SIPA1L2: variants seen among roughly 807,000 people sequenced by gnomAD.
SIPA1L2 encodes signal induced proliferation associated 1 like 2, also known as signal-induced proliferation-associated 1-like protein 2.
Under a neutral mutation model 163.9 loss-of-function variants are expected in SIPA1L2, and 56 were observed. The observed-to-expected ratio is 0.34, with a 90% CI of 0.28 to 0.43. SIPA1L2 has a LOEUF of 0.43. Among genes scored for constraint, SIPA1L2 ranks in the 20% least tolerant of loss-of-function variants. The pLI is 1.00. For synonymous variants in SIPA1L2, 877 were observed against 865.7 expected, an observed-to-expected ratio of 1.01 and a Z score of -0.23; for missense variants, 1,974 against 2,193.5, an observed-to-expected ratio of 0.90 and a Z score of 2.00.
chr1:232,467,724 G>A (rs772741628), intron 8 of SIPA1L2, among the ~76,000 whole-genome samples: 16 of 152,164 alleles, frequency 1.1e-4, no homozygotes, highest in Admixed American at 7.9e-4. Context: ...ACGCTGAGGC[G>A]GCCAAATGTC....
intron 9 of SIPA1L2, chr1:232,462,436 C>T: frequency 7.3e-7 from 1 of 1,363,436 alleles, no homozygotes; most frequent in Non-Finnish European, 9.7e-7. Flanking sequence ...GGGACTGGGG[C>T]TGGTTCATGT....
intron 2 of SIPA1L2, among the ~76,000 whole-genome samples, chr1:232,572,906 G>A (rs2102782250): frequency 6.6e-6 from 1 of 151,812 alleles, no homozygotes; most frequent in South Asian, 2.1e-4. Flanking sequence ...AGCCTCCCAA[G>A]TAGCTGGGAT....
intron 1 of SIPA1L2, among the ~76,000 whole-genome samples, chr1:232,613,479 A>G (rs1662353492): frequency 6.6e-6 from 1 of 152,134 alleles, no homozygotes; most frequent in African/African-American, 2.4e-5. Context: ...AGTCAAGGGA[A>G]CCTTCTCCAG....
At chr1:232,478,699 A>G (rs1665166844) in intron 7 of SIPA1L2, among the ~76,000 whole-genome samples, 1 of 152,240 alleles carries the variant, frequency 6.6e-6, no homozygotes, top group South Asian at 2.1e-4. Context: ...CTCTGGATTT[A>G]ACCTAAATAC....
chr1:232,621,100 A>AT (rs975937233), intron 1 of SIPA1L2, among the ~76,000 whole-genome samples: 1 of 152,242 alleles, frequency 6.6e-6, no homozygotes, highest in African/African-American at 2.4e-5. Context: ...GCTAAAAAAA[A>AT]TGTTCTCTGC....
chr1:232,415,709 G>A, intron 18 of SIPA1L2, 84 bp from the exon 19 acceptor site: 1 of 1,581,212 alleles, frequency 6.3e-7, no homozygotes, highest in East Asian at 2.3e-5. Flanking sequence ...GGGCACCACT[G>A]CCCCTCCCAG....
intron 1 of SIPA1L2, among the ~76,000 whole-genome samples, chr1:232,622,552 C>G (rs1173251888): frequency 6.6e-6 from 1 of 152,222 alleles, no homozygotes; most frequent in Non-Finnish European, 1.5e-5. Context: ...GCTATGCAGG[C>G]ATCAGCACAG....
chr1:232,434,888 T>A (rs1662461335), intron 15 of SIPA1L2, among the ~76,000 whole-genome samples: 1 of 152,146 alleles, frequency 6.6e-6, no homozygotes, highest in Non-Finnish European at 1.5e-5. Flanking sequence ...TTCCCAAGAA[T>A]AAGGACATCC....
intron 1 of SIPA1L2, among the ~76,000 whole-genome samples, chr1:232,617,705 G>T (rs1237493193): frequency 1.3e-5 from 2 of 152,112 alleles, no homozygotes; most frequent in Non-Finnish European, 2.9e-5. Context: ...AGTTGACCGG[G>T]CAGGGACATC....
chr1:232,487,292 G>A (rs1665688841), intron 5 of SIPA1L2, among the ~76,000 whole-genome samples: 1 of 152,166 alleles, frequency 6.6e-6, no homozygotes, highest in Non-Finnish European at 1.5e-5. Flanking sequence ...CAAAGCCTCA[G>A]AATTGTCTCG....
intron 7 of SIPA1L2, among the ~76,000 whole-genome samples, chr1:232,476,150 AACT>A (rs2102958258): frequency 6.6e-6 from 1 of 152,286 alleles, no homozygotes; most frequent in South Asian, 2.1e-4. Flanking sequence ...GAAGTACACA[AACT>A]CTTTAAGGCA....
intron 10 of SIPA1L2, among the ~76,000 whole-genome samples, chr1:232,455,607 TGAGGCGGAGCTTGCAGC>T (rs71744612): frequency 0.31 from 45,386 of 146,670 alleles, 7,569 homozygotes; most frequent in East Asian, 0.57. Flanking sequence ...CGTGAACCCG[TGAGGCGGAGCTTGCAGC>T]GAGGCGGAGC....
chr1:232,495,475 G>T (rs2103004345), intron 3 of SIPA1L2, among the ~76,000 whole-genome samples: 1 of 151,138 alleles, frequency 6.6e-6, no homozygotes, highest in Admixed American at 6.6e-5. Flanking sequence ...TGAGGCAGGA[G>T]AATGGCGTGA....
In SIPA1L2 at chr1:232,414,102, C is replaced by T. The variant is rs551867182; in HGVS notation, c.4762+1392G>A. 2.7e-5 allele frequency among the ~76,000 whole-genome samples: 4 copies of T among 146,788 alleles called. No individual in the cohort carries two copies. In the East Asian group the frequency reaches 7.7e-4, roughly 28 times the overall value. On this transcript the variant is annotated intron_variant, in intron 19 of 22. Coordinates refer to ENST00000674635, the MANE Select transcript of SIPA1L2 (RefSeq NM_020808.5). ...GCATCAGAGAATGAGGGTCTCCCCA[C>T]AAGGCAGACAGGCAGACAGGGCTCT...
At chr1:232,552,414 T>C (rs937887115) in intron 2 of SIPA1L2, among the ~76,000 whole-genome samples, 11 of 151,976 alleles carry the variant, frequency 7.2e-5, no homozygotes, top group African/African-American at 2.7e-4. Flanking sequence ...TCTGCTTGTT[T>C]CTTTTTCAGA....
intron 2 of SIPA1L2, among the ~76,000 whole-genome samples, chr1:232,559,316 A>G (rs1266150336): frequency 6.6e-6 from 1 of 152,220 alleles, no homozygotes. Flanking sequence ...GATGCTTCCA[A>G]TATGAACAAA....
chr1:232,609,350 AG>A (rs2102871239), intron 1 of SIPA1L2, among the ~76,000 whole-genome samples: 1 of 152,328 alleles, frequency 6.6e-6, no homozygotes, highest in East Asian at 1.9e-4. Flanking sequence ...TCTGGGTAAA[AG>A]TTTAAAATGA....
rs763719697 is a variant in SIPA1L2, at chr1:232,471,373, A to G, written c.2241T>C (p.Tyr747=). 3.1e-5 allele frequency: 50 copies of G among 1,613,390 alleles called. No individual in the cohort carries two copies. The Middle Eastern group carries it at 4.9e-4, about 16-fold the overall frequency. ...TAGATCAGGGATGACTGACTCACCT[A>G]TAACACACATTTTCGGTACATGGAT... ...VHNPCTENVC[Y]SVGVSRSKDV... Residue 747 remains tyrosine (Y), a splice_region_variant and synonymous_variant, in exon 8 of 23, where the codon TAT becomes TAC. Transcript: ENST00000674635.
intron 1 of SIPA1L2, among the ~76,000 whole-genome samples, chr1:232,580,594 T>C (rs1048033112): frequency 2.0e-5 from 3 of 152,194 alleles, no homozygotes; most frequent in Non-Finnish European, 4.4e-5. Flanking sequence ...GGAGGAGTCC[T>C]GGCTAGCAAA....
Sources: gnomAD v4.1 joint callset for allele counts (sites outside exome capture counted in the v4.1 genomes callset) on GRCh38, gnomAD v4.1.1 for gene constraint, MANE v1.5 for transcripts, NCBI Gene and HGNC (gene_info 2026-07-23, HGNC 2026-07-21) for gene names.